PLEKHA5: variants seen among roughly 807,000 people sequenced by gnomAD.
PLEKHA5 encodes pleckstrin homology domain-containing family A member 5.
PLEKHA5 carries 55 observed loss-of-function variants against 181.9 expected under a neutral mutation model. The observed-to-expected ratio is 0.30, with a 90% CI of 0.24 to 0.38. PLEKHA5 has a LOEUF of 0.38. Ranked by LOEUF, PLEKHA5 falls within the 10% of genes least tolerant of loss-of-function variation. PLEKHA5 has a pLI of 1.00. For missense variants in PLEKHA5, 1,432 were observed against 1,549.5 expected (o/e 0.92, Z 1.27); for synonymous variants, 535 against 529.4 (o/e 1.01, Z -0.15).
chr12:19,232,961 C>T (rs1314120347), intron 3 of PLEKHA5, among the ~76,000 whole-genome samples: 12 of 152,104 alleles, frequency 7.9e-5, no homozygotes, highest in African/African-American at 2.2e-4. Flanking sequence ...TAGTTGTTAC[C>T]TGTGCCATAA....
At chr12:19,275,355 A>C (rs1223321848) in intron 11 of PLEKHA5, among the ~76,000 whole-genome samples, 1 of 152,126 alleles carries the variant, frequency 6.6e-6, no homozygotes. Context: ...CAGTTTCTGC[A>C]GGTTGGTACA....
chr12:19,328,349 C>A (rs969998052), intron 20 of PLEKHA5, among the ~76,000 whole-genome samples: 1 of 152,068 alleles, frequency 6.6e-6, no homozygotes, highest in Non-Finnish European at 1.5e-5. Flanking sequence ...TTTTCTAGTT[C>A]TGTGAAAAAT....
chr12:19,138,801 G>A (rs1167589299), intron 3 of PLEKHA5, among the ~76,000 whole-genome samples: 1 of 152,116 alleles, frequency 6.6e-6, no homozygotes, highest in East Asian at 1.9e-4. Flanking sequence ...ATACTAACTA[G>A]GCTTGTTAGT....
chr12:19,314,381 A>G (rs2087739604), intron 15 of PLEKHA5, among the ~76,000 whole-genome samples: 1 of 152,152 alleles, frequency 6.6e-6, no homozygotes, highest in Admixed American at 6.5e-5. Context: ...GTAGAGAACT[A>G]ATTTTTTATA....
chr12:19,240,909 C>T (rs1481803392), intron 3 of PLEKHA5, among the ~76,000 whole-genome samples: 3 of 152,078 alleles, frequency 2.0e-5, no homozygotes, highest in Non-Finnish European at 4.4e-5. Flanking sequence ...TGCAACTTTT[C>T]GAGTAAGTAT....
At chr12:19,218,372 A>G (rs1040283579) in intron 3 of PLEKHA5, among the ~76,000 whole-genome samples, 6 of 152,296 alleles carry the variant, frequency 3.9e-5, no homozygotes, top group Middle Eastern at 6.8e-3. Flanking sequence ...CTGTAATTTA[A>G]AAAAGTCAAA....
At chr12:19,225,999 T>TA (rs752768081) in intron 3 of PLEKHA5, among the ~76,000 whole-genome samples, 17 of 152,338 alleles carry the variant, frequency 1.1e-4, no homozygotes, top group Non-Finnish European at 2.2e-4. Context: ...AATGCTACGT[T>TA]AGTTATTTTT....
chr12:19,310,636 G>T (rs2086152411), intron 15 of PLEKHA5, among the ~76,000 whole-genome samples: 1 of 145,650 alleles, frequency 6.9e-6, no homozygotes, highest in South Asian at 2.2e-4. Context: ...AAGAATGCAG[G>T]CTAGGCACAG....
At chr12:19,246,344 G>A (rs1464224326) in intron 3 of PLEKHA5, among the ~76,000 whole-genome samples, 1 of 151,582 alleles carries the variant, frequency 6.6e-6, no homozygotes, top group African/African-American at 2.4e-5. Flanking sequence ...TACATTTAAG[G>A]CTGGGTGCGG....
chr12:19,236,847 C>T (rs937633037), intron 3 of PLEKHA5: 4 of 152,208 alleles, frequency 2.6e-5, no homozygotes, highest in African/African-American at 9.6e-5. Flanking sequence ...GATGTGACGT[C>T]AGTCTGGTGT....
chr12:19,353,577 A>G (rs926697810), intron 25 of PLEKHA5, among the ~76,000 whole-genome samples: 1 of 152,108 alleles, frequency 6.6e-6, no homozygotes, highest in African/African-American at 2.4e-5. Context: ...CTCCTGCCTC[A>G]GCCTCCCGAG....
At chr12:19,275,549 A>G (rs2074258627) in intron 11 of PLEKHA5, among the ~76,000 whole-genome samples, 1 of 152,152 alleles carries the variant, frequency 6.6e-6, no homozygotes, top group Admixed American at 6.5e-5. Flanking sequence ...GAATCGTTTG[A>G]TGCCAGGAGT....
At chr12:19,194,241 T>A (rs921066673) in intron 3 of PLEKHA5, among the ~76,000 whole-genome samples, 5 of 152,236 alleles carry the variant, frequency 3.3e-5, no homozygotes, top group Non-Finnish European at 5.9e-5. Context: ...GATAATGACC[T>A]TCAGTTCCAT....
chr12:19,217,743 A>G (rs992041428), intron 3 of PLEKHA5, among the ~76,000 whole-genome samples: 1 of 152,200 alleles, frequency 6.6e-6, no homozygotes, highest in Non-Finnish European at 1.5e-5. Context: ...AATGATGAGA[A>G]TATTGATTGA....
chr12:19,364,171 A>C (rs1024860749), intron 29 of PLEKHA5, among the ~76,000 whole-genome samples: 2 of 152,152 alleles, frequency 1.3e-5, no homozygotes, highest in Admixed American at 1.3e-4. Context: ...AAATAGTTTG[A>C]GGAAACTTAT....
chr12:19,330,498 T>G (rs2092733322), intron 20 of PLEKHA5, among the ~76,000 whole-genome samples: 1 of 152,104 alleles, frequency 6.6e-6, no homozygotes, highest in African/African-American at 2.4e-5. Context: ...TTAGATAGTG[T>G]AATGAGGCAT....
chr12:19,275,767 TA>T (rs879288290), intron 11 of PLEKHA5, among the ~76,000 whole-genome samples: 30 of 147,594 alleles, frequency 2.0e-4, no homozygotes, highest in African/African-American at 3.0e-4. Flanking sequence ...AACCCAACTC[TA>T]AAAAAAAAAA....
At chr12:19,355,784 T>C (rs1377158691) in intron 26 of PLEKHA5, among the ~76,000 whole-genome samples, 4 of 152,140 alleles carry the variant, frequency 2.6e-5, no homozygotes, top group African/African-American at 9.7e-5. Flanking sequence ...TTAGGCATTT[T>C]TTACAGATTG....
At chr12:19,374,552 T>G (rs1047350833) in intron 31 of PLEKHA5, among the ~76,000 whole-genome samples, 1 of 151,704 alleles carries the variant, frequency 6.6e-6, no homozygotes, top group Non-Finnish European at 1.5e-5. Flanking sequence ...TCAGCTACTC[T>G]AGAGGCTGAG....
Sources: allele counts gnomAD v4.1 joint callset (sites outside exome capture counted in the v4.1 genomes callset), GRCh38; gene constraint gnomAD v4.1.1; transcripts MANE v1.5; gene names NCBI Gene and HGNC (gene_info 2026-07-23, HGNC 2026-07-21).